MALRD1: variants seen among roughly 807,000 people sequenced by gnomAD.
The protein encoded by MALRD1 is MAM and LDL-receptor class A domain-containing protein 1.
In MALRD1, 247 loss-of-function variants were observed where a neutral mutation model predicts 242.1. The observed-to-expected ratio is 1.02, with a 90% CI of 0.92 to 1.13. The LOEUF (loss-of-function observed/expected upper bound fraction) is 1.13. Among genes scored for constraint, MALRD1 ranks in the 50% most tolerant of loss-of-function variants. The probability of loss-of-function intolerance (pLI) is 0.00; values close to 1 mark genes in which losing one functional copy is unlikely to be tolerated. For missense variants in MALRD1, 2,989 were observed against 2,533.1 expected, an observed-to-expected ratio of 1.18 and a Z score of -3.86; for synonymous variants, 995 against 866.6, an observed-to-expected ratio of 1.15 and a Z score of -2.60.
chr10:19,189,477 C>G (rs1037688026), intron 14 of MALRD1, among the ~76,000 whole-genome samples: 1 of 150,838 alleles, frequency 6.6e-6, no homozygotes, highest in Non-Finnish European at 1.5e-5. Flanking sequence ...CCAGCATTAC[C>G]CTGAGACTCA....
At chr10:19,617,943 A>T (rs987741171) in intron 36 of MALRD1, among the ~76,000 whole-genome samples, 1 of 151,952 alleles carries the variant, frequency 6.6e-6, no homozygotes, top group East Asian at 1.9e-4. Flanking sequence ...TAAGCCTAGT[A>T]CTCATTTTTT....
chr10:19,052,745 C>A (rs1204823226), intron 1 of MALRD1, among the ~76,000 whole-genome samples: 1 of 152,150 alleles, frequency 6.6e-6, no homozygotes, highest in Admixed American at 6.5e-5. Context: ...CCCTTCCAAG[C>A]CATCATCCTG....
chr10:19,630,592 AT>A (rs1839857863), intron 36 of MALRD1, among the ~76,000 whole-genome samples: 1 of 152,148 alleles, frequency 6.6e-6, no homozygotes, highest in South Asian at 2.1e-4. Flanking sequence ...GGCTTTGCAT[AT>A]ATTATTCTTT....
At chr10:19,421,450 A>C (rs1334732122) in intron 28 of MALRD1, among the ~76,000 whole-genome samples, 1 of 152,138 alleles carries the variant, frequency 6.6e-6, no homozygotes, top group Non-Finnish European at 1.5e-5. Flanking sequence ...GATTATTTAT[A>C]ATTTCTGGTT....
At chr10:19,594,870 A>G (rs1384310460) in intron 33 of MALRD1, among the ~76,000 whole-genome samples, 1 of 152,088 alleles carries the variant, frequency 6.6e-6, no homozygotes, top group Non-Finnish European at 1.5e-5. Flanking sequence ...AAAAGACTAT[A>G]TATCGGGTAC....
Position 19,567,488 on chromosome 10 carries a change from A to G in MALRD1, c.5479-14A>G. The G allele has an allele frequency of 6.5e-7, 1 of 1,543,448 alleles. No homozygotes were observed. The highest frequency in any genetic ancestry group is 8.7e-7 in the Non-Finnish European group (1 of 1,143,072). On this transcript the variant is annotated splice_polypyrimidine_tract_variant and intron_variant, in intron 32 of 39. Transcript: ENST00000454679. ...ATCCAATCATAAAAAGTTATTTTTTAATGATTTTTAAAGGTGTATACCATT... is the reference window on the plus strand; with the variant it reads ...ATCCAATCATAAAAAGTTATTTTTTGATGATTTTTAAAGGTGTATACCATT...
chr10:19,259,192 A>G (rs1348221669), intron 19 of MALRD1, among the ~76,000 whole-genome samples: 1 of 152,114 alleles, frequency 6.6e-6, no homozygotes, highest in East Asian at 1.9e-4. Flanking sequence ...CCTCAAACTA[A>G]TGATAGCTTC....
chr10:19,178,762 T>G (rs1835367581), intron 14 of MALRD1, among the ~76,000 whole-genome samples: 1 of 152,198 alleles, frequency 6.6e-6, no homozygotes, highest in Admixed American at 6.5e-5. Flanking sequence ...AGGATGCAGG[T>G]TGTATTTCAT....
intron 23 of MALRD1, among the ~76,000 whole-genome samples, chr10:19,330,190 G>C (rs1477923300): frequency 6.6e-6 from 1 of 151,540 alleles, no homozygotes; most frequent in Non-Finnish European, 1.5e-5. Flanking sequence ...CTACTATGAA[G>C]AGCAGTCTAT....
At chr10:19,057,401 C>T (rs1031349249) in intron 1 of MALRD1, among the ~76,000 whole-genome samples, 3 of 152,078 alleles carry the variant, frequency 2.0e-5, no homozygotes, top group Admixed American at 6.6e-5. Flanking sequence ...TCACCTCTCC[C>T]GTGGCTGTTC....
chr10:19,259,173 C>T (rs1346758148), intron 19 of MALRD1, among the ~76,000 whole-genome samples: 1 of 152,150 alleles, frequency 6.6e-6, no homozygotes, highest in African/African-American at 2.4e-5. Flanking sequence ...CTATCTCATT[C>T]AGAGCAAACC....
At chr10:19,398,345 C>G (rs891298709) in intron 28 of MALRD1, among the ~76,000 whole-genome samples, 6 of 151,854 alleles carry the variant, frequency 4.0e-5, no homozygotes, top group African/African-American at 1.5e-4. Flanking sequence ...CAAATTAATA[C>G]CAATTATTAA....
intron 31 of MALRD1, among the ~76,000 whole-genome samples, chr10:19,518,759 G>A (rs1395625490): frequency 6.6e-6 from 1 of 151,946 alleles, no homozygotes; most frequent in Non-Finnish European, 1.5e-5. Flanking sequence ...TAACAGTCAT[G>A]TTCTGAAACT....
chr10:19,087,009 T>C (rs1195638805), intron 2 of MALRD1, among the ~76,000 whole-genome samples: 1 of 152,100 alleles, frequency 6.6e-6, no homozygotes, highest in African/African-American at 2.4e-5. Flanking sequence ...ACTGTTGTAC[T>C]TGGGCCCATT....
At chr10:19,555,257 C>A (rs1835666958) in intron 32 of MALRD1, among the ~76,000 whole-genome samples, 1 of 152,068 alleles carries the variant, frequency 6.6e-6, no homozygotes, top group Non-Finnish European at 1.5e-5. Flanking sequence ...ACCCAAACAC[C>A]TCCTACCAGG....
chr10:19,405,022 T>C (rs1847029039), intron 28 of MALRD1, among the ~76,000 whole-genome samples: 1 of 152,202 alleles, frequency 6.6e-6, no homozygotes, highest in South Asian at 2.1e-4. Flanking sequence ...CTTTATTTAG[T>C]AGGTTTTTCA....
intron 29 of MALRD1, among the ~76,000 whole-genome samples, chr10:19,483,303 T>G (rs563607697): frequency 1.3e-4 from 19 of 151,216 alleles, no homozygotes; most frequent in Non-Finnish European, 2.7e-4. Context: ...AAACAGAAAT[T>G]GACAAATGGA....
intron 13 of MALRD1, among the ~76,000 whole-genome samples, chr10:19,171,422 T>TTATA (rs1554803054): frequency 0.023 from 841 of 36,216 alleles, 47 homozygotes; most frequent in African/African-American, 0.059. Context: ...ATTTTATATT[T>TTATA]TATATACATA....
At chr10:19,528,780 A>G (rs946369545) in intron 31 of MALRD1, among the ~76,000 whole-genome samples, 8 of 152,164 alleles carry the variant, frequency 5.3e-5, no homozygotes, top group African/African-American at 1.9e-4. Context: ...TCATCGTAGA[A>G]GGAAAGGTGA....
Sources: allele counts gnomAD v4.1 joint callset (sites outside exome capture counted in the v4.1 genomes callset), GRCh38; gene constraint gnomAD v4.1.1; transcripts MANE v1.5; gene names NCBI Gene and HGNC (gene_info 2026-07-23, HGNC 2026-07-21).